THSD7B: variants seen among roughly 807,000 people sequenced by gnomAD.
THSD7B encodes thrombospondin type 1 domain containing 7B.
A neutral mutation model predicts 213.6 loss-of-function variants in THSD7B; 138 were observed. The ratio of observed to expected loss-of-function variants is 0.65; its 90% confidence interval spans 0.56 to 0.74. The LOEUF (loss-of-function observed/expected upper bound fraction) is 0.74, where lower values mean the gene tolerates loss of function less well. Among genes scored for constraint, THSD7B ranks in the 30% least tolerant of loss-of-function variants. The probability of loss-of-function intolerance (pLI) is 0.00; values close to 1 mark genes in which losing one functional copy is unlikely to be tolerated. For missense variants in THSD7B, 1,931 were observed against 1,991.5 expected (o/e 0.97, Z 0.58); for synonymous variants, 742 against 687.0 (o/e 1.08, Z -1.25).
intron 12 of THSD7B, among the ~76,000 whole-genome samples, chr2:137,278,523 A>G (rs1379335866): frequency 6.6e-6 from 1 of 152,178 alleles, no homozygotes; most frequent in Non-Finnish European, 1.5e-5. Context: ...TCCTGTGTCC[A>G]GAAGTAAATA....
In THSD7B at chr2:136,918,873, G is replaced by T. The variant is rs79040442; in HGVS notation, c.139+36556G>T. Among the ~76,000 whole-genome samples, 452 of 152,122 alleles carry T rather than the reference G, an allele frequency of 3.0e-3. 1 individual carries two copies. Among genetic ancestry groups the T allele is most frequent in the African/African-American group, 0.01 (428 of 41,484 alleles). On this transcript the variant is annotated intron_variant, in intron 2 of 27. Coordinates refer to ENST00000409968, the MANE Select transcript of THSD7B (RefSeq NM_001316349.2). ...CATCTTTCCTTTCTCTCTCTATATCGTACCATTCTCCTGACCTGGGTTAAT... is the reference window on the plus strand; with the variant it reads ...CATCTTTCCTTTCTCTCTCTATATCTTACCATTCTCCTGACCTGGGTTAAT...
Position 137,657,094 on chromosome 2 carries a change from G to A in THSD7B, c.4309G>A (p.Ala1437Thr). ...GGKCYHYTWK[A>T]SLWNNNERTV... ...CAAATGTTATCACTACACATGGAAA[G>A]CAAGTCTTTGGAACAATAACGAACG... The change falls in exon 24 of 28, where the codon GCA becomes ACA. Residue 1437 changes from alanine to threonine, a missense_variant. Coordinates refer to ENST00000409968, the MANE Select transcript of THSD7B (RefSeq NM_001316349.2). The A allele has an allele frequency of 1.9e-6, 3 of 1,613,992 alleles. No individual in the cohort carries two copies. The highest frequency in any genetic ancestry group is 2.5e-6 in the Non-Finnish European group (3 of 1,179,878).
At chr2:137,197,908 T>C (rs1156732200) in intron 7 of THSD7B, among the ~76,000 whole-genome samples, 1 of 152,176 alleles carries the variant, frequency 6.6e-6, no homozygotes, top group Admixed American at 6.6e-5. Context: ...CCTATCTCCA[T>C]CAAATGACCT....
At chr2:137,474,411 T>A (rs561867220) in intron 15 of THSD7B, among the ~76,000 whole-genome samples, 2 of 152,280 alleles carry the variant, frequency 1.3e-5, no homozygotes, top group East Asian at 3.9e-4. Context: ...TTTTCTAGCT[T>A]TACCAGTGGC....
intron 5 of THSD7B, among the ~76,000 whole-genome samples, chr2:137,138,983 C>G (rs1290879107): frequency 6.6e-6 from 1 of 152,090 alleles, no homozygotes; most frequent in Non-Finnish European, 1.5e-5. Context: ...TCCCTACTGT[C>G]CCTAAGTATT....
rs567036062 is a variant in THSD7B at position 137,341,259 on chromosome 2, C to T, written c.2501-64354C>T. Among the ~76,000 whole-genome samples the T allele has an allele frequency of 2.4e-4, 37 of 151,446 alleles. No individual in the cohort carries two copies. The South Asian group carries it at 4.8e-3, about 20-fold the overall frequency. On this transcript the variant is annotated intron_variant, in intron 12 of 27. Coordinates refer to ENST00000409968, the MANE Select transcript of THSD7B (RefSeq NM_001316349.2). ...TTGTATATCTTCTTTTGAAAAATGT[C>T]TATTCATATCCCTTGCCCATTTTTT... is the stretch of plus-strand genomic sequence containing the variant.
chr2:136,846,628 A>C (rs1683013717), intron 1 of THSD7B, among the ~76,000 whole-genome samples: 1 of 152,164 alleles, frequency 6.6e-6, no homozygotes, highest in Admixed American at 6.5e-5. Context: ...GAGTGCAGGC[A>C]ACATGGGCAT....
chr2:137,625,296 T>C (rs1438718588), intron 20 of THSD7B, among the ~76,000 whole-genome samples: 1 of 110,830 alleles, frequency 9.0e-6, no homozygotes, highest in African/African-American at 3.5e-5. Context: ...GGACACAGGG[T>C]GGGGAACATC....
intron 2 of THSD7B, among the ~76,000 whole-genome samples, chr2:137,047,289 C>T (rs1386809070): frequency 2.0e-5 from 3 of 152,156 alleles, no homozygotes; most frequent in Non-Finnish European, 4.4e-5. Flanking sequence ...TCTTTGTAAA[C>T]CTTCCTGAAA....
chr2:137,671,315 T>C (rs1683571503), intron 27 of THSD7B, among the ~76,000 whole-genome samples: 1 of 151,738 alleles, frequency 6.6e-6, no homozygotes, highest in Non-Finnish European at 1.5e-5. Context: ...TTTATAGTCA[T>C]TGAATAAAAG....
intron 12 of THSD7B, among the ~76,000 whole-genome samples, chr2:137,304,997 A>G (rs942690413): frequency 6.6e-6 from 1 of 152,090 alleles, no homozygotes; most frequent in African/African-American, 2.4e-5. Flanking sequence ...CTGCATGATT[A>G]TAAAATAGGA....
At chr2:136,797,564 A>G (rs959331697) in intron 1 of THSD7B, among the ~76,000 whole-genome samples, 2 of 151,996 alleles carry the variant, frequency 1.3e-5, no homozygotes, top group Non-Finnish European at 2.9e-5. Context: ...TTGATTATAC[A>G]TAATGTTGTT....
intron 1 of THSD7B, among the ~76,000 whole-genome samples, chr2:136,825,544 C>A (rs1682631689): frequency 6.6e-6 from 1 of 151,902 alleles, no homozygotes; most frequent in Non-Finnish European, 1.5e-5. Flanking sequence ...TTTAACCTAG[C>A]CAGGAGAGAT....
At chr2:137,386,679 C>T (rs1051747249) in intron 12 of THSD7B, among the ~76,000 whole-genome samples, 9 of 152,108 alleles carry the variant, frequency 5.9e-5, no homozygotes. Flanking sequence ...ATTATCATTT[C>T]TTTTCATAAG....
At chr2:137,336,626 T>C (rs1684644293) in intron 12 of THSD7B, among the ~76,000 whole-genome samples, 1 of 152,148 alleles carries the variant, frequency 6.6e-6, no homozygotes, top group African/African-American at 2.4e-5. Context: ...TTGCTCCCTG[T>C]GCTAAGACCA....
chr2:137,179,016 A>G (rs2105003463), intron 7 of THSD7B, among the ~76,000 whole-genome samples: 1 of 152,298 alleles, frequency 6.6e-6, no homozygotes, highest in Admixed American at 6.5e-5. Flanking sequence ...CTCTCATAGG[A>G]GTGCTGTCTC....
Position 137,283,817 on chromosome 2 carries a change from G to A in THSD7B, c.2500+7791G>A, listed in dbSNP as rs368649524. Among the ~76,000 whole-genome samples, 128 of 151,984 alleles carry A rather than the reference G, an allele frequency of 8.4e-4. 1 individual carries two copies. Among genetic ancestry groups the A allele is most frequent in the Admixed American group, 1.4e-3 (22 of 15,268 alleles). ...TCGGTTTGCCAGTATTTTATTGAGG[G>A]TTTTTGCATCAATGTTCATCAAGGA... On this transcript the variant is annotated intron_variant, in intron 12 of 27. Coordinates refer to ENST00000409968, the MANE Select transcript of THSD7B (RefSeq NM_001316349.2).
At chr2:137,587,744 C>T (rs1681769706) in intron 17 of THSD7B, among the ~76,000 whole-genome samples, 1 of 152,230 alleles carries the variant, frequency 6.6e-6, no homozygotes, top group Admixed American at 6.5e-5. Flanking sequence ...CAATCTGCCC[C>T]TACTGGGCAG....
At chr2:137,667,271 T>C (rs1683468449) in intron 26 of THSD7B, among the ~76,000 whole-genome samples, 1 of 152,196 alleles carries the variant, frequency 6.6e-6, no homozygotes, top group South Asian at 2.1e-4. Context: ...TTTCGCTTTT[T>C]TTCTTCATTT....
Sources: gnomAD v4.1 joint callset for allele counts (sites outside exome capture counted in the v4.1 genomes callset) on GRCh38, gnomAD v4.1.1 for gene constraint, MANE v1.5 for transcripts, NCBI Gene and HGNC (gene_info 2026-07-23, HGNC 2026-07-21) for gene names.